The following SCFD1 variants were observed in gnomAD, a reference collection of about 807,000 sequenced individuals.
SCFD1 encodes the protein sec1 family domain-containing protein 1.
In SCFD1, 37 loss-of-function variants were observed where a neutral mutation model predicts 103.2. The ratio of observed to expected loss-of-function variants is 0.36; its 90% CI spans 0.28 to 0.47. The LOEUF is 0.47. Among genes scored for constraint, SCFD1 ranks in the 20% least tolerant of loss-of-function variants. The probability of loss-of-function intolerance (pLI) is 1.00; values close to 1 mark genes in which losing one functional copy is unlikely to be tolerated. For missense variants in SCFD1, 639 were observed against 761.2 expected (o/e 0.84, Z 1.89); for synonymous variants, 264 against 245.0 (o/e 1.08, Z -0.73).
intron 15 of SCFD1, among the ~76,000 whole-genome samples, chr14:30,695,783 G>C (rs1890655505): frequency 6.6e-6 from 1 of 151,880 alleles, no homozygotes; most frequent in African/African-American, 2.4e-5. Flanking sequence ...GAGGTGGGAG[G>C]ATCCGTTGAG....
Position 30,702,394 on chromosome 14 carries a change from T to C in SCFD1, c.1490+19T>C, listed in dbSNP as rs750253357. 2.1e-6 allele frequency: 3 copies of C among 1,444,006 alleles called. No individual in the cohort carries two copies. Among genetic ancestry groups the C allele is most frequent in the South Asian group, 1.3e-5 (1 of 78,524 alleles). 89.4% of individuals were successfully genotyped at this position (1,444,006 alleles called of 1,614,324 possible). A position where few individuals can be genotyped will look rare whatever the true frequency, so the allele number is the denominator to read the frequency against. On this transcript the variant is annotated intron_variant, in intron 17 of 24. Coordinates refer to ENST00000458591, the MANE Select transcript of SCFD1 (RefSeq NM_016106.4). ...AGTGGAAGTAAGTTTTATTTTCTTC[T>C]TTAATTCCTGTCATTTAAAAGAGTA...
chr14:30,701,382 C>T (rs1408821959), intron 16 of SCFD1, among the ~76,000 whole-genome samples: 1 of 152,082 alleles, frequency 6.6e-6, no homozygotes, highest in Non-Finnish European at 1.5e-5. Context: ...TGGTGAAACC[C>T]CATCTCTACT....
chr14:30,692,158 C>G lies in SCFD1; in HGVS notation c.1243-2615C>G, dbSNP rs544124266. Among the ~76,000 whole-genome samples the G allele has an allele frequency of 7.3e-4, 111 of 152,154 alleles. 1 individual carries two copies. Among genetic ancestry groups the G allele is most frequent in the Admixed American group, 3.7e-3 (57 of 15,284 alleles). On this transcript the variant is annotated intron_variant, in intron 14 of 24. Transcript: ENST00000458591. ...TTTCCACTTCTAGAAGTTCGTTCATCTATTTTTATGACTTTTAAAAATGAT... is the reference window on the plus strand; with the variant it reads ...TTTCCACTTCTAGAAGTTCGTTCATGTATTTTTATGACTTTTAAAAATGAT...
intron 18 of SCFD1, 91 bp from the exon 19 acceptor site, chr14:30,707,899 T>G: frequency 1.1e-6 from 1 of 871,346 alleles, no homozygotes; most frequent in Non-Finnish European, 2.0e-6. Context: ...AGCATCAGCA[T>G]GTGGTGTGTA....
intron 14 of SCFD1, among the ~76,000 whole-genome samples, chr14:30,682,850 T>A (rs1484588641): frequency 6.6e-6 from 1 of 152,128 alleles, no homozygotes; most frequent in Non-Finnish European, 1.5e-5. Context: ...GCTTGAGATA[T>A]ACTTTTTTTT....
At chr14:30,628,817 G>C (rs1883797494) in intron 2 of SCFD1, among the ~76,000 whole-genome samples, 1 of 152,126 alleles carries the variant, frequency 6.6e-6, no homozygotes, top group Non-Finnish European at 1.5e-5. Flanking sequence ...TCTTTCTTCA[G>C]ATGTTATAAT....
chr14:30,721,426 C>G (rs534514381), intron 21 of SCFD1, among the ~76,000 whole-genome samples: 6 of 148,258 alleles, frequency 4.0e-5, no homozygotes, highest in African/African-American at 1.5e-4. Flanking sequence ...ATCCCTCCCT[C>G]CCTCCCTTCC....
chr14:30,696,804 G>A (rs1397470992), intron 15 of SCFD1, among the ~76,000 whole-genome samples: 3 of 152,126 alleles, frequency 2.0e-5, no homozygotes, highest in African/African-American at 7.2e-5. Flanking sequence ...GAGCTCAAGT[G>A]AAGTAAGAAG....
intron 4 of SCFD1, chr14:30,635,171 C>T (rs1232070426): frequency 2.9e-6 from 1 of 349,358 alleles, no homozygotes; most frequent in Non-Finnish European, 5.6e-6. Flanking sequence ...CTCTTTTACC[C>T]TGCGTAAACT....
intron 10 of SCFD1, among the ~76,000 whole-genome samples, chr14:30,662,885 AT>A (rs1046165213): frequency 2.0e-4 from 31 of 152,156 alleles, no homozygotes; most frequent in African/African-American, 7.2e-4. Context: ...ATATGTAGTG[AT>A]TTGGGGCACC....
At chr14:30,698,727 C>G (rs911980269) in intron 15 of SCFD1, among the ~76,000 whole-genome samples, 5 of 152,124 alleles carry the variant, frequency 3.3e-5, no homozygotes, top group African/African-American at 1.2e-4. Flanking sequence ...CCAAAGCTTT[C>G]TAGCTGGGGC....
chr14:30,675,169 A>T (rs1046327807), intron 14 of SCFD1, 104 bp downstream of exon 14: 1 of 509,712 alleles, frequency 2.0e-6, no homozygotes, highest in African/African-American at 2.0e-5. Context: ...TCCCCACTGT[A>T]ACATGAAGTA....
intron 10 of SCFD1, among the ~76,000 whole-genome samples, chr14:30,657,579 A>T (rs543563595): frequency 6.6e-6 from 1 of 152,314 alleles, no homozygotes; most frequent in Non-Finnish European, 1.5e-5. Context: ...GAGGTTGGTT[A>T]TAATTAACTA....
chr14:30,655,168 A>G lies in SCFD1; in HGVS notation c.855+1580A>G, dbSNP rs527462827. On this transcript the variant is annotated intron_variant, in intron 10 of 24. Coordinates refer to ENST00000458591, the MANE Select transcript of SCFD1 (RefSeq NM_016106.4). ...GACAGTAAAGTAGATAATGGTGAAC[A>G]GGAGTGAAATTTTAAAACAGGGAAG... Among the ~76,000 whole-genome samples the G allele has an allele frequency of 2.7e-4, 41 of 152,350 alleles. 1 individual carries two copies. The highest frequency in any genetic ancestry group is 8.9e-4 in the African/African-American group (37 of 41,580).
chr14:30,675,077 T>A lies in SCFD1; in HGVS notation c.1242+12T>A. ...TAGAACATATAAAGGTAAATTTAAC[T>A]TTTTCCCCCCCACAATATGACTTGC... is the stretch of plus-strand genomic sequence containing the variant. On this transcript the variant is annotated intron_variant, in intron 14 of 24. Coordinates refer to ENST00000458591, the MANE Select transcript of SCFD1 (RefSeq NM_016106.4). 1 of 1,459,900 alleles carries A rather than the reference T, an allele frequency of 6.8e-7. No individual in the cohort carries two copies. Among genetic ancestry groups the A allele is most frequent in the Non-Finnish European group, 9.4e-7 (1 of 1,066,882 alleles). 90.4% of individuals were successfully genotyped at this position (1,459,900 alleles called of 1,614,324 possible). A position where few individuals can be genotyped will look rare whatever the true frequency, so the allele number is the denominator to read the frequency against.
intron 7 of SCFD1, 134 bp from the exon 8 acceptor site, chr14:30,649,394 T>C: frequency 1.5e-6 from 1 of 650,068 alleles, no homozygotes; most frequent in Non-Finnish European, 2.6e-6. Context: ...TGTGGAAAAA[T>C]AAATACATAA....
chr14:30,648,344 G>A (rs1477456236), intron 7 of SCFD1, among the ~76,000 whole-genome samples: 1 of 152,106 alleles, frequency 6.6e-6, no homozygotes, highest in African/African-American at 2.4e-5. Context: ...AAATGTGACA[G>A]TTTGAGCATA....
Position 30,628,247 on chromosome 14 carries a change from A to C in SCFD1, c.100A>C (p.Ile34Leu), listed in dbSNP as rs1235377542. ...TATGTTGAATTTCAATGTGCCTCAT[A>C]TTAAAAACAGCACAGGAGAACCAGT... ...KRMLNFNVPH[I>L]KNSTGEPVWK... The change falls in exon 2 of 25, where the codon ATT (isoleucine) becomes CTT (leucine). Residue 34 changes from isoleucine (I) to leucine (L), a missense_variant. Ile to Leu is a conservative substitution (Grantham distance 5). Transcript: ENST00000458591. 1 of 1,612,416 alleles carries C rather than the reference A, an allele frequency of 6.2e-7. No individual in the cohort carries two copies. The highest frequency in any genetic ancestry group is 1.3e-5 in the African/African-American group (1 of 75,004).
At chr14:30,695,951 A>T (rs562190098) in intron 15 of SCFD1, among the ~76,000 whole-genome samples, 1 of 152,354 alleles carries the variant, frequency 6.6e-6, no homozygotes, top group South Asian at 2.1e-4. Flanking sequence ...GTTTTTAATT[A>T]TAAAGATTGT....
Sources: allele counts gnomAD v4.1 joint callset (sites outside exome capture counted in the v4.1 genomes callset), GRCh38; gene constraint gnomAD v4.1.1; transcripts MANE v1.5; gene names NCBI Gene and HGNC (gene_info 2026-07-23, HGNC 2026-07-21).